EYA1: variants seen among roughly 807,000 people sequenced by gnomAD.
The protein encoded by EYA1 is protein phosphatase EYA1.
EYA1 carries 16 observed loss-of-function variants against 82.0 expected under a neutral mutation model. The observed-to-expected ratio is 0.20, with a 90% CI of 0.13 to 0.30. The LOEUF is 0.30. Ranked by LOEUF, EYA1 falls within the 10% of genes least tolerant of loss-of-function variation. The pLI is 1.00. For synonymous variants in EYA1, 261 were observed against 264.4 expected (o/e 0.99, Z 0.12); for missense variants, 633 against 730.7 (o/e 0.87, Z 1.54).
intron 9 of EYA1, among the ~76,000 whole-genome samples, chr8:71,279,022 T>C (rs1817519770): frequency 6.6e-6 from 1 of 152,158 alleles, no homozygotes; most frequent in Admixed American, 6.5e-5. Context: ...ACATGTACAA[T>C]GACATTGGAC....
chr8:71,331,214 G>A (rs531497904), intron 4 of EYA1, among the ~76,000 whole-genome samples: 2 of 151,018 alleles, frequency 1.3e-5, no homozygotes, highest in South Asian at 4.2e-4. Context: ...GGGCAACAGA[G>A]TGAGACTCTG....
intron 2 of EYA1, among the ~76,000 whole-genome samples, chr8:71,524,126 A>C (rs1182538784): frequency 6.6e-6 from 1 of 152,224 alleles, no homozygotes; most frequent in Non-Finnish European, 1.5e-5. Flanking sequence ...TATTTTGAGA[A>C]CACAAGTGGT....
chr8:71,371,492 C>G (rs183351250), intron 2 of EYA1, among the ~76,000 whole-genome samples: 69 of 152,240 alleles, frequency 4.5e-4, no homozygotes, highest in Non-Finnish European at 8.8e-4. Context: ...AATCTGATCA[C>G]TCTAAAGTAA....
chr8:71,385,725 C>T (rs1213126645), intron 2 of EYA1, among the ~76,000 whole-genome samples: 1 of 152,128 alleles, frequency 6.6e-6, no homozygotes, highest in Non-Finnish European at 1.5e-5. Context: ...AATGTTTTTC[C>T]AGAATGTGAA....
At chr8:71,428,587 T>TC (rs910967257) in intron 2 of EYA1, among the ~76,000 whole-genome samples, 1 of 152,148 alleles carries the variant, frequency 6.6e-6, no homozygotes, top group African/African-American at 2.4e-5. Context: ...TAGAACAAGA[T>TC]CCTGCTATAG....
At chr8:71,447,527 T>G (rs1002901940) in intron 2 of EYA1, among the ~76,000 whole-genome samples, 19 of 152,222 alleles carry the variant, frequency 1.2e-4, no homozygotes, top group Non-Finnish European at 5.9e-5. Context: ...AGTTCATATT[T>G]ATTTTAAAAT....
intron 12 of EYA1, among the ~76,000 whole-genome samples, chr8:71,231,304 A>G (rs1811168860): frequency 6.6e-6 from 1 of 152,206 alleles, no homozygotes; most frequent in Non-Finnish European, 1.5e-5. Flanking sequence ...CTCGGCATCC[A>G]TTGTAAAATC....
intron 2 of EYA1, among the ~76,000 whole-genome samples, chr8:71,473,513 C>G (rs1289110549): frequency 5.3e-5 from 8 of 152,208 alleles, no homozygotes; most frequent in African/African-American, 1.9e-4. Context: ...CCATCTCATG[C>G]CAGTTAGAAT....
intron 1 of EYA1, among the ~76,000 whole-genome samples, chr8:71,538,416 A>G (rs1006070196): frequency 6.6e-6 from 1 of 152,250 alleles, no homozygotes; most frequent in African/African-American, 2.4e-5. Context: ...CAACTTTTGA[A>G]TACTTGTAAA....
intron 11 of EYA1, among the ~76,000 whole-genome samples, chr8:71,248,999 G>A (rs1340275689): frequency 6.6e-5 from 10 of 152,086 alleles, no homozygotes; most frequent in Non-Finnish European, 8.8e-5. Context: ...CAGAGCTGCA[G>A]TTATAAAAGG....
chr8:71,532,793 A>G (rs901171276), intron 2 of EYA1, among the ~76,000 whole-genome samples: 1 of 152,214 alleles, frequency 6.6e-6, no homozygotes, highest in African/African-American at 2.4e-5. Context: ...GAGGTACAAA[A>G]TAATAAAGCT....
At chr8:71,318,323 T>C (rs150893496) in intron 6 of EYA1, among the ~76,000 whole-genome samples, 1 of 152,326 alleles carries the variant, frequency 6.6e-6, no homozygotes, top group Non-Finnish European at 1.5e-5. Flanking sequence ...GAGCTGAATC[T>C]TATAAAACAG....
intron 2 of EYA1, among the ~76,000 whole-genome samples, chr8:71,454,425 T>C (rs1013959724): frequency 6.6e-6 from 1 of 152,212 alleles, no homozygotes; most frequent in Non-Finnish European, 1.5e-5. Context: ...GCGGACTTAA[T>C]AGACATCTAC....
chr8:71,387,382 T>G (rs980920773), intron 2 of EYA1, among the ~76,000 whole-genome samples: 1 of 152,160 alleles, frequency 6.6e-6, no homozygotes, highest in African/African-American at 2.4e-5. Context: ...CTGTTTCAGA[T>G]AGACCATTCT....
intron 11 of EYA1, among the ~76,000 whole-genome samples, chr8:71,255,848 T>C (rs918862621): frequency 6.6e-6 from 1 of 151,840 alleles, no homozygotes; most frequent in Non-Finnish European, 1.5e-5. Context: ...ATCCAGAATA[T>C]GTAAAGACCT....
chr8:71,216,437 G>A (rs761348476), intron 14 of EYA1, among the ~76,000 whole-genome samples: 30 of 130,212 alleles, frequency 2.3e-4, no homozygotes, highest in Non-Finnish European at 4.5e-4. Context: ...ACAACTGAAT[G>A]TCAGAGAGGT....
intron 9 of EYA1, among the ~76,000 whole-genome samples, chr8:71,297,503 C>T (rs1434002189): frequency 6.6e-6 from 1 of 152,118 alleles, no homozygotes; most frequent in Non-Finnish European, 1.5e-5. Context: ...CTTTCTATGA[C>T]TCTCTAGATC....
intron 2 of EYA1, among the ~76,000 whole-genome samples, chr8:71,487,524 T>C (rs1810663956): frequency 6.6e-6 from 1 of 152,214 alleles, no homozygotes; most frequent in Non-Finnish European, 1.5e-5. Context: ...CCAGAGAATA[T>C]TATATGCAAC....
upstream of EYA1, chr8:71,362,366 G>C (rs1827484185): frequency 9.2e-6 from 2 of 216,386 alleles, no homozygotes; most frequent in Admixed American, 6.6e-5. Flanking sequence ...TCTGAGACGT[G>C]GTCAACACAC....
Sources: gnomAD v4.1 joint callset for allele counts (sites outside exome capture counted in the v4.1 genomes callset) on GRCh38, gnomAD v4.1.1 for gene constraint, MANE v1.5 for transcripts, NCBI Gene and HGNC (gene_info 2026-07-23, HGNC 2026-07-21) for gene names.